Variants in TMEM192 observed in about 807,000 individuals in gnomAD.
The protein encoded by TMEM192 is transmembrane protein 192.
TMEM192 carries 20 observed loss-of-function variants against 26.7 expected under a neutral mutation model. The observed-to-expected ratio is 0.75, with a 90% CI of 0.53 to 1.09. The LOEUF (loss-of-function observed/expected upper bound fraction) is 1.09, where lower values mean the gene tolerates loss of function less well. Among genes scored for constraint, TMEM192 ranks in the 50% least tolerant of loss-of-function variants. TMEM192 has a pLI of 0.00. For missense variants in TMEM192, 304 were observed against 322.6 expected, an observed-to-expected ratio of 0.94 and a Z score of 0.44; for synonymous variants, 124 against 121.0, an observed-to-expected ratio of 1.02 and a Z score of -0.16.
At position 165,085,989 on chromosome 4, in the gene TMEM192, G is replaced by A. The variant is rs143581883; in HGVS notation, c.575-301C>T. Among the ~76,000 whole-genome samples, 1,156 of 152,258 alleles carry A rather than the reference G, an allele frequency of 7.6e-3. 5 individuals carry two copies. The highest frequency in any genetic ancestry group is 0.033 in the South Asian group (160 of 4,822). ...GTGGATGCTCCTATTACCCCGCAGT[G>A]AAGCCCAGAGAAGTTGAGCAACCAG... is the stretch of plus-strand genomic sequence containing the variant. On this transcript the variant is annotated intron_variant, in intron 4 of 5. Transcript: ENST00000306480.
At position 165,075,346 on chromosome 4, in the gene TMEM192, G is replaced by A. The variant is rs1229154497; in HGVS notation, c.*4312C>T. On this transcript the variant is annotated 3_prime_UTR_variant, in exon 6 of 6. Transcript: ENST00000306480. The stretch of plus-strand genomic sequence containing the variant: ...TGCAATCTCTGCCTCCCAGGCTCAA[G>A]CAATTCTCCTGCCTCAGCCTCCTGA... The A allele has an allele frequency of 2.0e-5, 3 of 151,414 alleles. No homozygotes were observed. The highest frequency in any genetic ancestry group is 6.6e-5 in the Admixed American group (1 of 15,096). 9.4% of individuals were successfully genotyped at this position (151,414 alleles called of 1,614,324 possible).
intron 5 of TMEM192, 38 bp downstream of exon 5, chr4:165,085,548 G>C (rs1560926624): frequency 7.1e-7 from 1 of 1,414,516 alleles, no homozygotes; most frequent in Non-Finnish European, 9.8e-7. Flanking sequence ...CTTTCTAGGG[G>C]AAAAAACTCA....
rs12507855 is a variant in TMEM192 at position 165,071,527 on chromosome 4, A to C, written c.*8131T>G. 6.6e-6 allele frequency: 1 copy of C among 152,054 alleles called. No homozygotes were observed. Among genetic ancestry groups the C allele is most frequent in the Non-Finnish European group, 1.5e-5 (1 of 68,118 alleles). The allele number at this position is 152,054 out of a possible 1,614,324, so 9.4% of individuals were successfully genotyped here. A position where few individuals can be genotyped will look rare whatever the true frequency, so the allele number is the denominator to read the frequency against. On this transcript the variant is annotated 3_prime_UTR_variant, in exon 6 of 6. Coordinates refer to ENST00000306480, the MANE Select transcript of TMEM192 (RefSeq NM_001100389.2). Reference sequence around the variant, plus strand: ...GGCCGGTCTCCCAACTCCTGACCTCAAGTGATCCACCCACCTCAGCCTCCC... The same window carrying C: ...GGCCGGTCTCCCAACTCCTGACCTCCAGTGATCCACCCACCTCAGCCTCCC...
Position 165,085,600 on chromosome 4 carries a change from C to T in TMEM192, c.663G>A (p.Ser221=), listed in dbSNP as rs181591398. The change falls in exon 5 of 6, where the codon TCG becomes TCA. Residue 221 remains serine, a synonymous_variant. Coordinates refer to ENST00000306480, the MANE Select transcript of TMEM192 (RefSeq NM_001100389.2). ...CTAAATCTTACCTGAATCCAGTCTC[C>T]GAGGTAATATTGCTGGGGTAAGCAT... The part of the protein sequence containing the change: ...KIYAYPSNIT[S]ETGFRTISSL... The T allele has an allele frequency of 2.4e-5, 38 of 1,609,016 alleles. No homozygotes were observed. The highest frequency in any genetic ancestry group is 8.9e-5 in the East Asian group (4 of 44,770).
At chr4:165,102,568 T>C (rs1219266836) in intron 2 of TMEM192, among the ~76,000 whole-genome samples, 2 of 152,170 alleles carry the variant, frequency 1.3e-5, no homozygotes, top group African/African-American at 2.4e-5. Flanking sequence ...GGCTATTCTA[T>C]GTTAATATAC....
At chr4:165,090,460 C>T (rs112028542) in intron 3 of TMEM192, among the ~76,000 whole-genome samples, 6 of 152,162 alleles carry the variant, frequency 3.9e-5, no homozygotes, top group East Asian at 1.9e-4. Flanking sequence ...CCCAACTCCA[C>T]GTGGACAGAA....
At chr4:165,098,904 G>A (rs1734975964) in intron 3 of TMEM192, among the ~76,000 whole-genome samples, 1 of 151,778 alleles carries the variant, frequency 6.6e-6, no homozygotes, top group African/African-American at 2.4e-5. Context: ...GTTTCACCAT[G>A]TTGGCCAGGC....
At chr4:165,095,031 A>T (rs1734862412) in intron 3 of TMEM192, among the ~76,000 whole-genome samples, 2 of 152,068 alleles carry the variant, frequency 1.3e-5, no homozygotes, top group Non-Finnish European at 2.9e-5. Flanking sequence ...AATATTTGGA[A>T]GAAATAAGTT....
rs1289980043 is a variant in TMEM192, at chr4:165,099,465, AAAG to A, written c.439+1160_439+1162del. The stretch of plus-strand genomic sequence containing the variant: ...AAATCTTTAAAATGTCTGCAACGAT[AAAG>A]AAAAGCAAGTACTCATGCATTCTAA... On this transcript the variant is annotated intron_variant, in intron 3 of 5. Coordinates refer to ENST00000306480, the MANE Select transcript of TMEM192 (RefSeq NM_001100389.2). 2.6e-5 allele frequency among the ~76,000 whole-genome samples: 4 copies of A among 152,212 alleles called. No homozygotes were observed. The East Asian group carries it at 7.7e-4, about 29-fold the overall frequency.
rs1734404511 is a variant in TMEM192, at chr4:165,077,251, G to A, written c.*2407C>T. On this transcript the variant is annotated 3_prime_UTR_variant, in exon 6 of 6. Transcript: ENST00000306480. The stretch of plus-strand genomic sequence containing the variant: ...TAACTTTTTAACTACACTGTTCCTT[G>A]TAAACCAAAGTTCATCCTATAAATC... 2 of 152,190 alleles carry A rather than the reference G, an allele frequency of 1.3e-5. No homozygotes were observed. The highest frequency in any genetic ancestry group is 6.5e-5 in the Admixed American group (1 of 15,272). The allele number at this position is 152,190 out of a possible 1,614,324, so 9.4% of individuals were successfully genotyped here. A position where few individuals can be genotyped will look rare whatever the true frequency, so the allele number is the denominator to read the frequency against.
chr4:165,089,042 A>C (rs1312684352), intron 3 of TMEM192, among the ~76,000 whole-genome samples: 18 of 2,432 alleles, frequency 7.4e-3, no homozygotes, highest in African/African-American at 0.017. Context: ...CCCTACTGCA[A>C]AAAAAAAAAA....
At chr4:165,095,835 C>T (rs1025496971) in intron 3 of TMEM192, among the ~76,000 whole-genome samples, 2 of 151,866 alleles carry the variant, frequency 1.3e-5, no homozygotes, top group Non-Finnish European at 2.9e-5. Flanking sequence ...AGTGCAGTGG[C>T]GCCATCTTCG....
At chr4:165,107,509 A>G (rs1560936796) in intron 1 of TMEM192, among the ~76,000 whole-genome samples, 1 of 151,598 alleles carries the variant, frequency 6.6e-6, no homozygotes. Flanking sequence ...ATGCTTGGCT[A>G]ATTTTTGTAT....
At chr4:165,098,391 C>A (rs1734963446) in intron 3 of TMEM192, among the ~76,000 whole-genome samples, 1 of 152,128 alleles carries the variant, frequency 6.6e-6, no homozygotes, top group African/African-American at 2.4e-5. Context: ...TCCCAAAGTG[C>A]TGGGATTATA....
chr4:165,112,134 A>T (rs1735306382), intron 1 of TMEM192, among the ~76,000 whole-genome samples: 1 of 152,190 alleles, frequency 6.6e-6, no homozygotes, highest in African/African-American at 2.4e-5. Flanking sequence ...TCAAAGATTT[A>T]AAAACCTTTG....
Position 165,112,747 on chromosome 4 carries a change from G to GTCC in TMEM192, c.24_26dup (p.Glu8dup). 1.2e-6 allele frequency: 2 copies of GTCC among 1,608,918 alleles called. No homozygotes were observed. The highest frequency in any genetic ancestry group is 1.7e-6 in the Non-Finnish European group (2 of 1,179,226). On this transcript the variant is annotated inframe_insertion and splice_region_variant, in exon 1 of 6. Transcript: ENST00000306480. ...CCGCCCGCCGCCTCCGTGCACTCAC[G>GTCC]TCCTCCATCCTGCCCCCCGCCGCCA...
chr4:165,079,592 T>G lies in TMEM192; in HGVS notation c.*66A>C. On this transcript the variant is annotated 3_prime_UTR_variant, in exon 6 of 6. Transcript: ENST00000306480. Reference sequence around the variant, plus strand: ...AGCTGCAGTTCCCCGTGGCAGCTTGTCAGGTGGTCAGTCAGTCTCAATTAC... The same window carrying G: ...AGCTGCAGTTCCCCGTGGCAGCTTGGCAGGTGGTCAGTCAGTCTCAATTAC... 4.0e-6 allele frequency: 6 copies of G among 1,513,122 alleles called. No individual in the cohort carries two copies. Among genetic ancestry groups the G allele is most frequent in the Non-Finnish European group, 5.3e-6 (6 of 1,124,930 alleles). The allele number at this position is 1,513,122 out of a possible 1,614,324, so 93.7% of individuals were successfully genotyped here.
Position 165,079,440 on chromosome 4 carries a change from C to T in TMEM192, c.*218G>A, listed in dbSNP as rs1355649700. 8 of 456,646 alleles carry T rather than the reference C, an allele frequency of 1.8e-5. No homozygotes were observed. The highest frequency in any genetic ancestry group is 3.1e-5 in the Non-Finnish European group (8 of 261,440). 28.3% of individuals were successfully genotyped at this position (456,646 alleles called of 1,614,324 possible). A position where few individuals can be genotyped will look rare whatever the true frequency, so the allele number is the denominator to read the frequency against. ...TTTCCAAAAGTACAAACAGACATTC[C>T]CCTCAAGTTATCCGGGCTTCTACAG... On this transcript the variant is annotated 3_prime_UTR_variant, in exon 6 of 6. Coordinates refer to ENST00000306480, the MANE Select transcript of TMEM192 (RefSeq NM_001100389.2).
intron 3 of TMEM192, among the ~76,000 whole-genome samples, chr4:165,098,060 A>C (rs1431973187): frequency 1.3e-5 from 2 of 151,520 alleles, no homozygotes; most frequent in Non-Finnish European, 2.9e-5. Context: ...ACCTCAAGTG[A>C]TCCTCCCGCC....
Sources: gnomAD v4.1 joint callset for allele counts (sites outside exome capture counted in the v4.1 genomes callset) on GRCh38, gnomAD v4.1.1 for gene constraint, MANE v1.5 for transcripts, NCBI Gene and HGNC (gene_info 2026-07-23, HGNC 2026-07-21) for gene names.